Variants in SGCZ observed in about 807,000 individuals in gnomAD.
SGCZ encodes the protein sarcoglycan zeta, also known as zeta-sarcoglycan.
Under a neutral mutation model 41.3 loss-of-function variants are expected in SGCZ, and 40 were observed. The observed-to-expected ratio is 0.97, with a 90% CI of 0.75 to 1.26. SGCZ has a LOEUF of 1.26. Ranked by LOEUF, SGCZ falls within the 50% of genes most tolerant of loss-of-function variation. The pLI, the probability that SGCZ is intolerant of heterozygous loss-of-function variation, is 0.00. For missense variants in SGCZ, 552 were observed against 369.8 expected, an observed-to-expected ratio of 1.49 and a Z score of -4.04; for synonymous variants, 206 against 137.5, an observed-to-expected ratio of 1.50 and a Z score of -3.49.
chr8:15,099,550 A>G (rs1221233211), intron 1 of SGCZ, among the ~76,000 whole-genome samples: 1 of 152,218 alleles, frequency 6.6e-6, no homozygotes, highest in East Asian at 1.9e-4. Context: ...AATGATACCA[A>G]TTCACTACCG....
At chr8:14,147,757 ATTCTTT>A (rs768718821) in intron 5 of SGCZ, among the ~76,000 whole-genome samples, 14 of 152,208 alleles carry the variant, frequency 9.2e-5, no homozygotes, top group Non-Finnish European at 1.9e-4. Context: ...CAAAATACAT[ATTCTTT>A]TCCTCAGCAT....
At chr8:14,895,768 G>T (rs148801680) in intron 1 of SGCZ, among the ~76,000 whole-genome samples, 2 of 152,268 alleles carry the variant, frequency 1.3e-5, no homozygotes, top group African/African-American at 4.8e-5. Flanking sequence ...TAGATGCAGT[G>T]GTTCCCAGCC....
At chr8:14,798,181 A>G (rs1425271846) in intron 1 of SGCZ, among the ~76,000 whole-genome samples, 1 of 152,210 alleles carries the variant, frequency 6.6e-6, no homozygotes, top group Non-Finnish European at 1.5e-5. Context: ...GTTATTATGT[A>G]CAGAAATCGT....
At chr8:14,934,544 C>T (rs567975854) in intron 1 of SGCZ, among the ~76,000 whole-genome samples, 15 of 151,426 alleles carry the variant, frequency 9.9e-5, no homozygotes, top group East Asian at 1.9e-4. Flanking sequence ...GAAGAAAATA[C>T]GAAGACTACA....
intron 2 of SGCZ, among the ~76,000 whole-genome samples, chr8:14,413,135 CT>C (rs1799405985): frequency 6.6e-6 from 1 of 152,008 alleles, no homozygotes; most frequent in East Asian, 1.9e-4. Context: ...TTATCAATAT[CT>C]TTTCTGTAAA....
intron 3 of SGCZ, among the ~76,000 whole-genome samples, chr8:14,259,591 T>G: frequency 7.5e-6 from 1 of 132,930 alleles, no homozygotes; most frequent in East Asian, 2.0e-4. Flanking sequence ...TGCTTGTTTT[T>G]GTCAGGTTTG....
intron 1 of SGCZ, among the ~76,000 whole-genome samples, chr8:14,711,995 G>A (rs1413248698): frequency 5.9e-5 from 9 of 152,184 alleles, no homozygotes; most frequent in Admixed American, 4.6e-4. Context: ...CAGGCCAGGC[G>A]TGGTGGCTCA....
intron 2 of SGCZ, among the ~76,000 whole-genome samples, chr8:14,465,357 G>C (rs1353773938): frequency 6.6e-6 from 1 of 151,460 alleles, no homozygotes; most frequent in African/African-American, 2.4e-5. Context: ...AATCTATTTT[G>C]TCTGATATTA....
intron 1 of SGCZ, among the ~76,000 whole-genome samples, chr8:14,618,401 G>T (rs1806176791): frequency 1.3e-5 from 2 of 152,096 alleles, no homozygotes; most frequent in South Asian, 4.1e-4. Context: ...GAAGATATTT[G>T]AAGCAAAAAC....
At chr8:14,994,779 GA>G (rs1482419394) in intron 1 of SGCZ, among the ~76,000 whole-genome samples, 1 of 151,910 alleles carries the variant, frequency 6.6e-6, no homozygotes, top group South Asian at 2.1e-4. Context: ...TATAAATTCA[GA>G]AAAAAATCTT....
intron 1 of SGCZ, among the ~76,000 whole-genome samples, chr8:14,862,581 T>TATATATATACAC (rs775585451): frequency 1.0e-5 from 1 of 96,942 alleles, no homozygotes; most frequent in Non-Finnish European, 2.1e-5. Context: ...TATATATATA[T>TATATATATACAC]ACACACACAA....
At chr8:14,918,126 TA>T (rs1799491501) in intron 1 of SGCZ, among the ~76,000 whole-genome samples, 1 of 152,212 alleles carries the variant, frequency 6.6e-6, no homozygotes, top group Admixed American at 6.5e-5. Flanking sequence ...AGCAATCTTT[TA>T]AGATGGAAAA....
At chr8:14,534,529 C>A (rs1803235644) in intron 2 of SGCZ, among the ~76,000 whole-genome samples, 1 of 151,942 alleles carries the variant, frequency 6.6e-6, no homozygotes, top group Admixed American at 6.6e-5. Flanking sequence ...GAGCATTTTA[C>A]AGGCATGGGA....
rs149968314 is a variant in SGCZ at position 14,904,408 on chromosome 8, T to C, written c.39+333177A>G. Reference sequence around the variant, plus strand: ...GCAGTTCAATATAGCACGCAAAACATCTCATTATCAAAGAATACACGAACT... The same window carrying C: ...GCAGTTCAATATAGCACGCAAAACACCTCATTATCAAAGAATACACGAACT... On this transcript the variant is annotated intron_variant, in intron 1 of 7. Coordinates refer to ENST00000382080, the MANE Select transcript of SGCZ (RefSeq NM_139167.4). Among the ~76,000 whole-genome samples, 3 of 152,116 alleles carry C rather than the reference T, an allele frequency of 2.0e-5. No homozygotes were observed. The East Asian group carries it at 5.8e-4, about 29-fold the overall frequency.
intron 2 of SGCZ, among the ~76,000 whole-genome samples, chr8:14,496,199 G>A (rs146937414): frequency 6.6e-6 from 1 of 151,920 alleles, no homozygotes; most frequent in South Asian, 2.1e-4. Flanking sequence ...CTGAGTAGAT[G>A]GGACTTCAGG....
chr8:14,216,938 A>T (rs986481845), intron 4 of SGCZ, among the ~76,000 whole-genome samples: 1 of 152,174 alleles, frequency 6.6e-6, no homozygotes, highest in Admixed American at 6.5e-5. Flanking sequence ...CAGAACAGTT[A>T]TGTATACTGA....
intron 2 of SGCZ, among the ~76,000 whole-genome samples, chr8:14,540,137 ACT>A (rs1213223438): frequency 1.3e-5 from 2 of 149,932 alleles, no homozygotes; most frequent in Non-Finnish European, 3.0e-5. Context: ...GTATACTATG[ACT>A]CTGCAGTGCA....
intron 3 of SGCZ, among the ~76,000 whole-genome samples, chr8:14,274,745 C>G (rs1185958641): frequency 6.6e-6 from 1 of 151,866 alleles, no homozygotes; most frequent in Non-Finnish European, 1.5e-5. Context: ...AAAAATTATA[C>G]TGCTTATAAT....
At chr8:14,999,350 A>T (rs1016296181) in intron 1 of SGCZ, among the ~76,000 whole-genome samples, 69 of 152,326 alleles carry the variant, frequency 4.5e-4, no homozygotes, top group African/African-American at 1.6e-3. Context: ...TTATAGTCAG[A>T]AAAAGAGACC....
Sources: allele counts gnomAD v4.1 joint callset (sites outside exome capture counted in the v4.1 genomes callset), GRCh38; gene constraint gnomAD v4.1.1; transcripts MANE v1.5; gene names NCBI Gene and HGNC (gene_info 2026-07-23, HGNC 2026-07-21).